PRTFDC1: variants seen among roughly 807,000 people sequenced by gnomAD.
The protein encoded by PRTFDC1 is phosphoribosyltransferase domain-containing protein 1.
A neutral mutation model predicts 34.6 loss-of-function variants in PRTFDC1; 38 were observed. The ratio of observed to expected loss-of-function variants is 1.10; its 90% CI spans 0.85 to 1.44. PRTFDC1 has a LOEUF of 1.44. Among genes scored for constraint, PRTFDC1 ranks in the 40% most tolerant of loss-of-function variants. The probability of loss-of-function intolerance (pLI) is 0.00; values close to 1 mark genes in which losing one functional copy is unlikely to be tolerated. For synonymous variants in PRTFDC1, 93 were observed against 98.1 expected (o/e 0.95, Z 0.31); for missense variants, 270 against 283.0 (o/e 0.95, Z 0.33).
intron 3 of PRTFDC1, among the ~76,000 whole-genome samples, chr10:24,902,214 T>G (rs893551336): frequency 9.2e-5 from 14 of 152,100 alleles, no homozygotes; most frequent in Non-Finnish European, 1.8e-4. Flanking sequence ...TTTTTTCTCC[T>G]TAATCTTCCA....
intron 3 of PRTFDC1, among the ~76,000 whole-genome samples, chr10:24,917,685 G>A (rs959961817): frequency 6.6e-6 from 1 of 152,216 alleles, no homozygotes; most frequent in East Asian, 1.9e-4. Context: ...TGTCCATCAG[G>A]GGGCAGAGAT....
chr10:24,900,244 A>G (rs554539514), intron 3 of PRTFDC1, among the ~76,000 whole-genome samples: 21 of 152,332 alleles, frequency 1.4e-4, no homozygotes, highest in African/African-American at 4.8e-4. Flanking sequence ...AATTCTTGAG[A>G]AAACCTAAGC....
intron 4 of PRTFDC1, among the ~76,000 whole-genome samples, chr10:24,860,025 C>T (rs1847650505): frequency 1.3e-5 from 2 of 152,128 alleles, no homozygotes; most frequent in East Asian, 1.9e-4. Context: ...ATCCTTTCAA[C>T]GTAATGGTGT....
At chr10:24,885,625 C>T (rs1390347468) in intron 3 of PRTFDC1, among the ~76,000 whole-genome samples, 2 of 152,202 alleles carry the variant, frequency 1.3e-5, no homozygotes, top group Non-Finnish European at 2.9e-5. Context: ...AAGCTGGTCT[C>T]AAACTCCTGA....
At chr10:24,886,889 A>G (rs1057039224) in intron 3 of PRTFDC1, among the ~76,000 whole-genome samples, 1 of 151,394 alleles carries the variant, frequency 6.6e-6, no homozygotes, top group African/African-American at 2.4e-5. Context: ...TGTGGGCTAA[A>G]TCTAGTGCGT....
chr10:24,907,011 G>A (rs1325339413), intron 3 of PRTFDC1, among the ~76,000 whole-genome samples: 1 of 152,170 alleles, frequency 6.6e-6, no homozygotes, highest in Non-Finnish European at 1.5e-5. Context: ...GAATATAAAA[G>A]TCATATGAAC....
intron 3 of PRTFDC1, among the ~76,000 whole-genome samples, chr10:24,897,597 C>T (rs528573019): frequency 8.5e-5 from 13 of 152,306 alleles, no homozygotes; most frequent in Admixed American, 4.6e-4. Context: ...TGACACTCCA[C>T]AACTTGATGG....
At chr10:24,882,760 C>T (rs1281448565) in intron 3 of PRTFDC1, among the ~76,000 whole-genome samples, 2 of 151,714 alleles carry the variant, frequency 1.3e-5, no homozygotes, top group Non-Finnish European at 2.9e-5. Context: ...CCCACCTCAG[C>T]CTCCCAAGTA....
chr10:24,933,900 C>T (rs1373075549), intron 3 of PRTFDC1, among the ~76,000 whole-genome samples: 1 of 151,992 alleles, frequency 6.6e-6, no homozygotes, highest in Non-Finnish European at 1.5e-5. Flanking sequence ...ACCATGTTGA[C>T]CAAGCTGGTC....
At chr10:24,881,117 G>C (rs1848073985) in intron 3 of PRTFDC1, among the ~76,000 whole-genome samples, 1 of 150,316 alleles carries the variant, frequency 6.7e-6, no homozygotes, top group Admixed American at 6.7e-5. Context: ...ATCCACATGG[G>C]AAAGCAGTGG....
chr10:24,858,393 T>G lies in PRTFDC1; in HGVS notation c.422A>C (p.Glu141Ala). 1.9e-6 allele frequency: 3 copies of G among 1,613,246 alleles called. No individual in the cohort carries two copies. Among genetic ancestry groups the G allele is most frequent in the Non-Finnish European group, 2.5e-6 (3 of 1,179,304 alleles). Residue 141 changes from glutamate to alanine, a missense_variant and splice_region_variant, in exon 5 of 9, where the codon GAG becomes GCG. Transcript: ENST00000320152. ...TLAGKNVLIVEDVVGTGRTMK... is the reference protein window; with the variant it reads ...TLAGKNVLIVADVVGTGRTMK... The stretch of plus-strand genomic sequence containing the variant: ...ATGGAAAAGGAAATGCCAGCTTACC[T>G]CAACAATGAGAACATTCTGAAATAA...
At chr10:24,942,279 T>C (rs757581304) in intron 2 of PRTFDC1, 51 bp downstream of exon 2, 1 of 1,427,392 alleles carries the variant, frequency 7.0e-7, no homozygotes, top group Non-Finnish European at 9.9e-7. Context: ...TTCACACAAG[T>C]GTGGGCCGGC....
intron 3 of PRTFDC1, among the ~76,000 whole-genome samples, chr10:24,919,101 A>C (rs901399480): frequency 6.6e-6 from 1 of 152,246 alleles, no homozygotes; most frequent in Admixed American, 6.5e-5. Context: ...TAGTACTTTC[A>C]ATAGTAATCA....
At chr10:24,922,395 A>C (rs7091639) in intron 3 of PRTFDC1, among the ~76,000 whole-genome samples, 49,265 of 152,112 alleles carry the variant, frequency 0.32, 9,386 homozygotes, top group African/African-American at 0.53. Context: ...GTGCGCTTAC[A>C]CAAGTCTCAC....
At chr10:24,872,711 T>G (rs1157400119) in intron 3 of PRTFDC1, among the ~76,000 whole-genome samples, 2 of 101,006 alleles carry the variant, frequency 2.0e-5, no homozygotes, top group African/African-American at 7.8e-5. Flanking sequence ...ACACAAAATA[T>G]ATATAATACA....
intron 2 of PRTFDC1, among the ~76,000 whole-genome samples, chr10:24,942,118 C>T (rs1849168230): frequency 6.6e-6 from 1 of 152,126 alleles, no homozygotes; most frequent in African/African-American, 2.4e-5. Context: ...TCCTTCTTAC[C>T]ATATTACCAT....
chr10:24,849,880 G>GTTTC lies in PRTFDC1; in HGVS notation c.641_642insGAAA (p.Ile215LysfsTer4). On this transcript the variant is annotated frameshift_variant, in exon 9 of 9. Coordinates refer to ENST00000320152, the MANE Select transcript of PRTFDC1 (RefSeq NM_020200.7). LOFTEE classifies it high-confidence loss of function. ...ATTTTTCTTTACCGTGCTCATTGAT[G>GTTTC]ACGCATATGTGCTGAAACAATAAAG... The GTTTC allele has an allele frequency of 3.1e-6, 5 of 1,613,906 alleles. No homozygotes were observed. Among genetic ancestry groups the GTTTC allele is most frequent in the Non-Finnish European group, 4.2e-6 (5 of 1,179,900 alleles).
intron 3 of PRTFDC1, among the ~76,000 whole-genome samples, chr10:24,909,264 C>A (rs973998442): frequency 6.6e-6 from 1 of 152,126 alleles, no homozygotes; most frequent in African/African-American, 2.4e-5. Context: ...CTGAGCAACA[C>A]AGTGAGACTT....
chr10:24,942,502 G>C, intron 1 of PRTFDC1, 66 bp from the exon 2 acceptor site: 1 of 1,285,464 alleles, frequency 7.8e-7, no homozygotes, highest in Non-Finnish European at 1.1e-6. Context: ...CATAACAAAA[G>C]AGTATCACTT....
Sources: gnomAD v4.1 joint callset for allele counts (sites outside exome capture counted in the v4.1 genomes callset) on GRCh38, gnomAD v4.1.1 for gene constraint, MANE v1.5 for transcripts, NCBI Gene and HGNC (gene_info 2026-07-23, HGNC 2026-07-21) for gene names.